The following EHBP1 variants were observed in gnomAD, a reference collection of about 807,000 sequenced individuals.
The protein encoded by EHBP1 is EH domain-binding protein 1.
EHBP1 carries 55 observed loss-of-function variants against 144.0 expected under a neutral mutation model. That is an observed-to-expected ratio of 0.38 (90% CI 0.31 to 0.48). The LOEUF (loss-of-function observed/expected upper bound fraction) is 0.48. EHBP1 is among the 20% of genes least tolerant of loss of function. EHBP1 has a pLI of 0.98. For missense variants in EHBP1, 1,200 were observed against 1,364.2 expected (o/e 0.88, Z 1.90); for synonymous variants, 469 against 472.7 (o/e 0.99, Z 0.10).
chr2:62,883,008 A>G (rs1225491262), intron 10 of EHBP1, among the ~76,000 whole-genome samples: 1 of 152,202 alleles, frequency 6.6e-6, no homozygotes, highest in Non-Finnish European at 1.5e-5. Flanking sequence ...CACACACTAT[A>G]CATATACACA....
chr2:62,775,747 G>C (rs1012337291), intron 5 of EHBP1, among the ~76,000 whole-genome samples: 1 of 152,088 alleles, frequency 6.6e-6, no homozygotes, highest in African/African-American at 2.4e-5. Flanking sequence ...TAATAACTCT[G>C]GTGTGAGTCA....
At chr2:62,912,700 T>G (rs2054323737) in intron 10 of EHBP1, among the ~76,000 whole-genome samples, 1 of 152,236 alleles carries the variant, frequency 6.6e-6, no homozygotes, top group South Asian at 2.1e-4. Flanking sequence ...ATTTTAAATT[T>G]GAAGCACCGG....
At chr2:62,780,411 A>T (rs900452547) in intron 5 of EHBP1, among the ~76,000 whole-genome samples, 2 of 152,100 alleles carry the variant, frequency 1.3e-5, no homozygotes, top group African/African-American at 4.8e-5. Flanking sequence ...TAAATGAAAA[A>T]TTTTTAGCTA....
At chr2:62,724,639 T>C (rs1235526760) in intron 2 of EHBP1, among the ~76,000 whole-genome samples, 4 of 151,954 alleles carry the variant, frequency 2.6e-5, no homozygotes, top group Non-Finnish European at 5.9e-5. Context: ...CACCTTTGGA[T>C]AGTTTTTTTT....
At chr2:62,691,085 C>T (rs543838093) in intron 1 of EHBP1, among the ~76,000 whole-genome samples, 12 of 152,176 alleles carry the variant, frequency 7.9e-5, no homozygotes, top group East Asian at 1.9e-4. Flanking sequence ...GTGAACTTGC[C>T]TCCAAGCCAA....
At chr2:62,842,850 A>G (rs181577327) in intron 7 of EHBP1, among the ~76,000 whole-genome samples, 1,560 of 152,284 alleles carry the variant, frequency 0.01, 14 homozygotes, top group Non-Finnish European at 0.017. Context: ...TGCTATTTTG[A>G]TCACAGCAGT....
At chr2:62,766,500 C>T (rs910152560) in intron 4 of EHBP1, among the ~76,000 whole-genome samples, 1 of 152,086 alleles carries the variant, frequency 6.6e-6, no homozygotes, top group African/African-American at 2.4e-5. Flanking sequence ...TCTTAGAGTG[C>T]AATGTTGAGC....
Position 62,948,895 on chromosome 2 carries a change from A to G in EHBP1, c.2049A>G (p.Thr683=). ...DMSPPFICEE[T]DEQKLQTLDI... Reference sequence around the variant, plus strand: ...CTCCACCCTTTATTTGTGAGGAGACAGATGAACAAAAGCTTCAAACTCTAG... The same window carrying G: ...CTCCACCCTTTATTTGTGAGGAGACGGATGAACAAAAGCTTCAAACTCTAG... Residue 683 remains threonine, a synonymous_variant, in exon 13 of 23, where the codon ACA becomes ACG. Transcript: ENST00000431489. 6.2e-7 allele frequency: 1 copy of G among 1,614,024 alleles called. No homozygotes were observed. Among genetic ancestry groups the G allele is most frequent in the Non-Finnish European group, 8.5e-7 (1 of 1,179,970 alleles).
intron 1 of EHBP1, among the ~76,000 whole-genome samples, chr2:62,680,219 A>G (rs1261589918): frequency 6.6e-6 from 1 of 152,158 alleles, no homozygotes; most frequent in East Asian, 1.9e-4. Flanking sequence ...CTGGAACAAC[A>G]TGTCTCCCAT....
intron 7 of EHBP1, among the ~76,000 whole-genome samples, chr2:62,843,906 CTCTT>C (rs1171833934): frequency 1.3e-5 from 2 of 152,152 alleles, no homozygotes; most frequent in African/African-American, 4.8e-5. Context: ...TTTGTATTAA[CTCTT>C]CCTTCCAAGT....
chr2:62,783,591 T>G (rs1026445273), intron 5 of EHBP1, among the ~76,000 whole-genome samples: 10 of 152,378 alleles, frequency 6.6e-5, no homozygotes, highest in African/African-American at 2.4e-4. Context: ...GGCTTGGGGC[T>G]TGCACCCTCT....
intron 8 of EHBP1, among the ~76,000 whole-genome samples, chr2:62,860,984 ATTTATC>A (rs1329296016): frequency 6.6e-6 from 1 of 151,910 alleles, no homozygotes; most frequent in East Asian, 1.9e-4. Flanking sequence ...TATAGAAATA[ATTTATC>A]TTTATTGATT....
At chr2:62,911,097 T>C (rs1156660762) in intron 10 of EHBP1, among the ~76,000 whole-genome samples, 6 of 152,204 alleles carry the variant, frequency 3.9e-5, no homozygotes, top group African/African-American at 1.4e-4. Context: ...GATTTGTATT[T>C]AAAATACGTG....
In EHBP1 at chr2:62,958,876, C is replaced by G. The variant is rs191627707; in HGVS notation, c.2460+3216C>G. ...TATTATGTTCATAGATTAGAAGACTCAATTTTTTAAACATTTTATTGTGGT... is the reference window on the plus strand; with the variant it reads ...TATTATGTTCATAGATTAGAAGACTGAATTTTTTAAACATTTTATTGTGGT... On this transcript the variant is annotated intron_variant, in intron 14 of 22. Transcript: ENST00000431489. Among the ~76,000 whole-genome samples the G allele has an allele frequency of 2.1e-4, 32 of 152,248 alleles. No individual in the cohort carries two copies. In the East Asian group the frequency reaches 3.5e-3, roughly 17 times the overall value.
At chr2:63,017,018 G>A (rs1261207197) in intron 19 of EHBP1, among the ~76,000 whole-genome samples, 2 of 152,218 alleles carry the variant, frequency 1.3e-5, no homozygotes, top group Admixed American at 6.5e-5. Context: ...ATCCCTTGCA[G>A]CAGTGAGGTG....
chr2:62,907,014 G>T (rs909222588), intron 10 of EHBP1, among the ~76,000 whole-genome samples: 1 of 152,096 alleles, frequency 6.6e-6, no homozygotes, highest in Non-Finnish European at 1.5e-5. Context: ...TCACGATATG[G>T]TTATACCACA....
intron 3 of EHBP1, among the ~76,000 whole-genome samples, chr2:62,760,334 G>A (rs2040667200): frequency 6.6e-6 from 1 of 152,136 alleles, no homozygotes; most frequent in Admixed American, 6.6e-5. Context: ...AGCCCCAGAA[G>A]GAATATCAAA....
At chr2:62,800,069 T>C (rs1056908577) in intron 5 of EHBP1, among the ~76,000 whole-genome samples, 1 of 152,220 alleles carries the variant, frequency 6.6e-6, no homozygotes, top group Non-Finnish European at 1.5e-5. Flanking sequence ...TTCAATAATT[T>C]TTATGCCAGT....
chr2:62,820,740 ATATAT>A (rs1558730708), intron 5 of EHBP1, among the ~76,000 whole-genome samples: 52 of 33,470 alleles, frequency 1.6e-3, no homozygotes, highest in African/African-American at 5.7e-3. Flanking sequence ...TGTGTATAAT[ATATAT>A]ATATATATAT....
Sources: allele counts gnomAD v4.1 joint callset (sites outside exome capture counted in the v4.1 genomes callset), GRCh38; gene constraint gnomAD v4.1.1; transcripts MANE v1.5; gene names NCBI Gene and HGNC (gene_info 2026-07-23, HGNC 2026-07-21).